The following TTC39B variants were observed in gnomAD, a reference collection of about 807,000 sequenced individuals.
The protein encoded by TTC39B is tetratricopeptide repeat protein 39B.
TTC39B carries 92 observed loss-of-function variants against 96.6 expected under a neutral mutation model. The observed-to-expected ratio is 0.95, with a 90% CI of 0.80 to 1.13. The LOEUF (loss-of-function observed/expected upper bound fraction) is 1.13, where lower values mean the gene tolerates loss of function less well. Ranked by LOEUF, TTC39B falls within the 50% of genes most tolerant of loss-of-function variation. The pLI is 0.00. For missense variants in TTC39B, 955 were observed against 809.3 expected (o/e 1.18, Z -2.18); for synonymous variants, 367 against 299.4 (o/e 1.23, Z -2.33).
intron 1 of TTC39B, among the ~76,000 whole-genome samples, chr9:15,297,887 T>C (rs962297606): frequency 1.3e-5 from 2 of 152,090 alleles, no homozygotes; most frequent in Non-Finnish European, 2.9e-5. Context: ...ATTTTAGGTG[T>C]CAAGTTGACT....
chr9:15,301,775 G>A (rs1378995351), intron 1 of TTC39B, among the ~76,000 whole-genome samples: 1 of 150,754 alleles, frequency 6.6e-6, no homozygotes, highest in Non-Finnish European at 1.5e-5. Flanking sequence ...AAAAGAAGAA[G>A]AAAAGAAAGA....
intron 8 of TTC39B, 105 bp from the exon 9 acceptor site, chr9:15,192,800 A>G: frequency 2.7e-6 from 2 of 738,180 alleles, no homozygotes; most frequent in South Asian, 3.7e-5. Context: ...GTCATTAATT[A>G]AAATACCATC....
chr9:15,268,662 G>C (rs1322838356), intron 1 of TTC39B, among the ~76,000 whole-genome samples: 5 of 151,916 alleles, frequency 3.3e-5, no homozygotes, highest in Non-Finnish European at 7.4e-5. Context: ...CAGGTATCCG[G>C]GGTCCACCAC....
exon 20 of TTC39B, chr9:15,166,518 C>G (rs1817519298): frequency 1.3e-5 from 2 of 152,190 alleles, no homozygotes; most frequent in Non-Finnish European, 2.9e-5. Context: ...CAACAGTCCT[C>G]TAAGAGGACA....
chr9:15,243,761 T>G (rs545206922), intron 2 of TTC39B, among the ~76,000 whole-genome samples: 4 of 152,022 alleles, frequency 2.6e-5, no homozygotes, highest in African/African-American at 9.7e-5. Context: ...AAATAAAAAA[T>G]TGGACGTATG....
At chr9:15,194,870 A>G in intron 8 of TTC39B, among the ~76,000 whole-genome samples, 1 of 152,192 alleles carries the variant, frequency 6.6e-6, no homozygotes. Context: ...CTGTTCCTCC[A>G]TCTCTCTCCT....
intron 16 of TTC39B, among the ~76,000 whole-genome samples, chr9:15,184,889 T>G (rs1818436799): frequency 6.6e-6 from 1 of 152,236 alleles, no homozygotes; most frequent in African/African-American, 2.4e-5. Context: ...TATTTCCTCT[T>G]ACTTTTTTAA....
At position 15,241,435 on chromosome 9, in the gene TTC39B, T is replaced by C. The variant is rs929639207; in HGVS notation, c.276-15423A>G. On this transcript the variant is annotated intron_variant, in intron 2 of 19. Coordinates refer to ENST00000512701, the Ensembl canonical transcript of TTC39B. Reference sequence around the variant, plus strand: ...ATTTTTATCCATAAACATTTAGGAATGCCATATTCCAGGCATGGTATCAGA... The same window carrying C: ...ATTTTTATCCATAAACATTTAGGAACGCCATATTCCAGGCATGGTATCAGA... Among the ~76,000 whole-genome samples the C allele has an allele frequency of 7.9e-5, 12 of 152,180 alleles. 1 individual carries two copies. In the East Asian group the frequency reaches 1.7e-3, roughly 22 times the overall value.
At chr9:15,205,068 G>A (rs1022737200) in intron 6 of TTC39B, among the ~76,000 whole-genome samples, 3 of 152,194 alleles carry the variant, frequency 2.0e-5, no homozygotes, top group Non-Finnish European at 2.9e-5. Context: ...TGCCATGTAC[G>A]AGCTATGGGA....
At position 15,195,440 on chromosome 9, in the gene TTC39B, G is replaced by A. The variant is rs749550908; in HGVS notation, c.825-2745C>T. On this transcript the variant is annotated intron_variant, in intron 8 of 19. Coordinates refer to ENST00000512701, the Ensembl canonical transcript of TTC39B. ...AATCTTAGCACTTTGGGTGGCCAAGGTGGGCGGATCATGAGGTCAGGAGTT... is the reference window on the plus strand; with the variant it reads ...AATCTTAGCACTTTGGGTGGCCAAGATGGGCGGATCATGAGGTCAGGAGTT... 5.3e-5 allele frequency among the ~76,000 whole-genome samples: 8 copies of A among 152,092 alleles called. No individual in the cohort carries two copies. In the East Asian group the frequency reaches 1.5e-3, roughly 29 times the overall value.
intron 4 of TTC39B, among the ~76,000 whole-genome samples, chr9:15,211,921 G>C (rs574508138): frequency 2.3e-4 from 35 of 152,328 alleles, no homozygotes; most frequent in African/African-American, 7.0e-4. Context: ...CTTGTATCTA[G>C]TCTAATCCCA....
chr9:15,287,069 C>T (rs1823999017), intron 1 of TTC39B, among the ~76,000 whole-genome samples: 1 of 152,134 alleles, frequency 6.6e-6, no homozygotes, highest in South Asian at 2.1e-4. Flanking sequence ...CTTTTTCATT[C>T]CAAAATGGAC....
At chr9:15,224,790 GT>G (rs1475701433) in intron 3 of TTC39B, among the ~76,000 whole-genome samples, 1 of 151,868 alleles carries the variant, frequency 6.6e-6, no homozygotes, top group Non-Finnish European at 1.5e-5. Flanking sequence ...TACACACACA[GT>G]AAAAAAAAGG....
intron 1 of TTC39B, among the ~76,000 whole-genome samples, chr9:15,273,741 A>G (rs1823439520): frequency 6.6e-6 from 1 of 152,136 alleles, no homozygotes; most frequent in Non-Finnish European, 1.5e-5. Context: ...CCACTGACCA[A>G]TGAAGCTGTG....
intron 1 of TTC39B, among the ~76,000 whole-genome samples, chr9:15,272,181 G>A (rs74696075): frequency 0.034 from 5,134 of 152,192 alleles, 282 homozygotes; most frequent in African/African-American, 0.12. Flanking sequence ...TCCCATCAGG[G>A]CCCCTAGGTT....
chr9:15,170,920 A>C (rs918279226), exon 20 of TTC39B: 8 of 152,258 alleles, frequency 5.3e-5, no homozygotes, highest in Non-Finnish European at 8.8e-5. Flanking sequence ...ATAAAACTGA[A>C]AAAGACCTTG....
chr9:15,303,633 ATT>A (rs199999024), intron 1 of TTC39B, among the ~76,000 whole-genome samples: 1 of 145,558 alleles, frequency 6.9e-6, no homozygotes, highest in Non-Finnish European at 1.5e-5. Context: ...TATGAGAAAA[ATT>A]TTTTTTTTTT....
intron 1 of TTC39B, among the ~76,000 whole-genome samples, chr9:15,277,257 C>T (rs1823579523): frequency 2.6e-5 from 4 of 152,250 alleles, no homozygotes; most frequent in East Asian, 3.9e-4. Context: ...GGAGAAATCC[C>T]GCATCTACTA....
In TTC39B at chr9:15,190,801, A is replaced by C. The variant is rs1818815888; in HGVS notation, c.997-139T>G. ...ACGCTGTGGTGAAGTCTGGGCTTTT[A>C]GTGTCCCTATCACCGCAAGAGTGAA... On this transcript the variant is annotated intron_variant, in intron 10 of 19. Transcript: ENST00000512701. The C allele has an allele frequency of 9.8e-6, 7 of 713,798 alleles. No individual in the cohort carries two copies. In the South Asian group the frequency reaches 1.3e-4, roughly 13 times the overall value. The allele number at this position is 713,798 out of a possible 1,614,324, so 44.2% of individuals were successfully genotyped here. A position where few individuals can be genotyped will look rare whatever the true frequency, so the allele number is the denominator to read the frequency against.
Sources: allele counts gnomAD v4.1 joint callset (sites outside exome capture counted in the v4.1 genomes callset), GRCh38; gene constraint gnomAD v4.1.1; transcripts MANE v1.5; gene names NCBI Gene and HGNC (gene_info 2026-07-23, HGNC 2026-07-21).